Variants in IZUMO2 observed in about 807,000 individuals in gnomAD.
The protein encoded by IZUMO2 is izumo sperm-egg fusion protein 2.
A neutral mutation model predicts 31.2 loss-of-function variants in IZUMO2; 24 were observed. That is an observed-to-expected ratio of 0.77 (90% CI 0.56 to 1.08). IZUMO2 has a LOEUF of 1.08. Among genes scored for constraint, IZUMO2 ranks in the 50% least tolerant of loss-of-function variants. The pLI is 0.00. For missense variants in IZUMO2, 278 were observed against 274.0 expected (o/e 1.01, Z -0.10); for synonymous variants, 144 against 117.3 (o/e 1.23, Z -1.47).
chr19:50,162,610 C>T lies in IZUMO2; in HGVS notation c.307+129G>A, dbSNP rs1473964280. The T allele has an allele frequency of 4.0e-6, 3 of 753,766 alleles. No homozygotes were observed. The East Asian group carries it at 8.0e-5, about 20-fold the overall frequency. The allele number at this position is 753,766 out of a possible 1,614,324, so 46.7% of individuals were successfully genotyped here. A position where few individuals can be genotyped will look rare whatever the true frequency, so the allele number is the denominator to read the frequency against. Reference sequence around the variant, plus strand: ...AGCCGGAGCGACAGTGAGGCTCTGTCTCTTAAAAAAGAAAAAAAAAAGGCT... The same window carrying T: ...AGCCGGAGCGACAGTGAGGCTCTGTTTCTTAAAAAAGAAAAAAAAAAGGCT... On this transcript the variant is annotated intron_variant, in intron 2 of 6. Coordinates refer to ENST00000293405, the MANE Select transcript of IZUMO2 (RefSeq NM_152358.3).
At chr19:50,159,789 A>G (rs1182545935) in intron 2 of IZUMO2, among the ~76,000 whole-genome samples, 1 of 151,886 alleles carries the variant, frequency 6.6e-6, no homozygotes, top group African/African-American at 2.4e-5. Context: ...AGGCAAAGCC[A>G]CCCTTCCTTG....
chr19:50,162,614 TAAAA>T (rs1008888723), intron 2 of IZUMO2, 121 bp downstream of exon 2: 13 of 809,100 alleles, frequency 1.6e-5, no homozygotes, highest in Non-Finnish European at 2.6e-5. Context: ...CTCTGTCTCT[TAAAA>T]AAGAAAAAAA....
chr19:50,162,902 G>A, intron 1 of IZUMO2, 61 bp downstream of exon 1: 1 of 1,604,534 alleles, frequency 6.2e-7, no homozygotes, highest in Non-Finnish European at 8.5e-7. Context: ...GACCCCTCTT[G>A]GGGGCGTGGT....
rs112356647 is a variant in IZUMO2 at position 50,162,249 on chromosome 19, C to T, written c.307+490G>A. ...AGTGAGCAGAGATTGTGGCACTGCA[C>T]TCGAGCCTGGGTGACAGGGCGAGAC... On this transcript the variant is annotated intron_variant, in intron 2 of 6. Transcript: ENST00000293405. 4.0e-4 allele frequency among the ~76,000 whole-genome samples: 61 copies of T among 152,044 alleles called. 1 individual carries two copies. Among genetic ancestry groups the T allele is most frequent in the African/African-American group, 1.4e-3 (56 of 41,454 alleles).
Position 50,158,307 on chromosome 19 carries a change from T to A in IZUMO2, c.457A>T (p.Arg153Trp), listed in dbSNP as rs777612157. The change falls in exon 5 of 7, where the codon AGG becomes TGG. Residue 153 changes from arginine (R) to tryptophan (W), a missense_variant. By Grantham distance (101) the Arg-to-Trp change is moderately radical (BLOSUM62 -3). Coordinates refer to ENST00000293405, the MANE Select transcript of IZUMO2 (RefSeq NM_152358.3). ...TTGTGGATACACTTGGGAGTGATCC[T>A]CTGGCAATGTAAACAGTCCAACACC... ...EEVLDCLHCQ[R>W]ITPKCIHKKY... is the part of the protein sequence containing the mutation. 1 of 1,612,486 alleles carries A rather than the reference T, an allele frequency of 6.2e-7. No homozygotes were observed. Among genetic ancestry groups the A allele is most frequent in the Non-Finnish European group, 8.5e-7 (1 of 1,179,160 alleles).
chr19:50,162,594 G>A (rs755151319), intron 2 of IZUMO2, 145 bp downstream of exon 2: 2 of 668,172 alleles, frequency 3.0e-6, no homozygotes, highest in Non-Finnish European at 5.1e-6. Flanking sequence ...CAGCCGGAGC[G>A]ACAGTGAGGC....
chr19:50,163,140 A>G lies in IZUMO2; in HGVS notation c.55T>C (p.Trp19Arg). The change falls in exon 1 of 7, where the codon TGG (tryptophan) becomes CGG (arginine). Residue 19 changes from tryptophan (W) to arginine (R), a missense_variant. Trp to Arg is a moderately radical substitution (Grantham distance 101, BLOSUM62 -3). Coordinates refer to ENST00000293405, the MANE Select transcript of IZUMO2 (RefSeq NM_152358.3). ...LLSGLGAPGG[W>R]GCLQCDPLVL... is the part of the protein sequence containing the mutation. ...AAGGGGTCGCACTGCAGGCAGCCCC[A>G]GCCTCCGGGGGCGCCCAAGCCCGAG... 6.3e-7 allele frequency: 1 copy of G among 1,584,954 alleles called. No individual in the cohort carries two copies.
intron 2 of IZUMO2, among the ~76,000 whole-genome samples, chr19:50,161,841 C>T (rs984121891): frequency 2.0e-5 from 3 of 152,200 alleles, no homozygotes; most frequent in African/African-American, 7.2e-5. Context: ...CTCCATTTGA[C>T]ATATTTTATC....
In IZUMO2 at chr19:50,153,374, A is replaced by G. The variant is rs113636006; in HGVS notation, c.624-723T>C. Among the ~76,000 whole-genome samples, 4 of 152,320 alleles carry G rather than the reference A, an allele frequency of 2.6e-5. 1 individual carries two copies. The highest frequency in any genetic ancestry group is 9.6e-5 in the African/African-American group (4 of 41,594). The stretch of plus-strand genomic sequence containing the variant: ...GCTTTAAGTCACCCAATTTGTGGTG[A>G]TGTTACAGCAGCAATAGGAAATGAA... On this transcript the variant is annotated intron_variant, in intron 6 of 6. Coordinates refer to ENST00000293405, the MANE Select transcript of IZUMO2 (RefSeq NM_152358.3).
chr19:50,154,709 C>A lies in IZUMO2; in HGVS notation c.514G>T (p.Val172Leu). ...KYCFVDRQPR[V>L]ALQYQMDSKY... is the part of the protein sequence containing the mutation. ...CTGTCCATCTGGTACTGCAGGGCCA[C>A]GCGGGGTTGCCGGTCGACTGGGGCG... The change falls in exon 6 of 7, where the codon GTG becomes TTG. Residue 172 changes from valine to leucine, a missense_variant. Coordinates refer to ENST00000293405, the MANE Select transcript of IZUMO2 (RefSeq NM_152358.3). 1.9e-6 allele frequency: 3 copies of A among 1,613,898 alleles called. No individual in the cohort carries two copies. Among genetic ancestry groups the A allele is most frequent in the Non-Finnish European group, 1.7e-6 (2 of 1,179,924 alleles).
Position 50,154,732 on chromosome 19 carries a change from G to T in IZUMO2, c.497-6C>A. On this transcript the variant is annotated splice_region_variant and splice_polypyrimidine_tract_variant and intron_variant, in intron 5 of 6. Coordinates refer to ENST00000293405, the MANE Select transcript of IZUMO2 (RefSeq NM_152358.3). ...CACGCGGGGTTGCCGGTCGACTGGG[G>T]CGGGTGGGGAAACAGCCCCGACCTC... 6.2e-7 allele frequency: 1 copy of T among 1,613,352 alleles called. No individual in the cohort carries two copies.
At chr19:50,159,181 AG>A in intron 4 of IZUMO2, 48 bp downstream of exon 4, 1 of 1,590,728 alleles carries the variant, frequency 6.3e-7, no homozygotes, top group Non-Finnish European at 8.6e-7. Context: ...GACAGGGTGA[AG>A]GGGGTTAGGA....
chr19:50,158,394 G>A, intron 4 of IZUMO2, 46 bp from the exon 5 acceptor site: 2 of 1,278,528 alleles, frequency 1.6e-6, no homozygotes, highest in South Asian at 1.2e-5. Flanking sequence ...AGATATCAGA[G>A]GACCGGCAAG....
At chr19:50,159,663 G>A (rs1314004409) in intron 2 of IZUMO2, 83 bp from the exon 3 acceptor site, 6 of 800,504 alleles carry the variant, frequency 7.5e-6, no homozygotes, top group Middle Eastern at 6.7e-4. Flanking sequence ...GAGAAGAGAT[G>A]AGGAAGCTCC....
chr19:50,161,535 C>G (rs1039547796), intron 2 of IZUMO2, among the ~76,000 whole-genome samples: 3 of 152,180 alleles, frequency 2.0e-5, no homozygotes, highest in African/African-American at 7.2e-5. Flanking sequence ...AAGATCTCAT[C>G]TTCCATAGAG....
chr19:50,162,780 AC>A lies in IZUMO2; in HGVS notation c.265del (p.Val89SerfsTer8), dbSNP rs1047190915. ...TNQLDLVASF[V>X]KNQTQHLMGN... Reference sequence around the variant, plus strand: ...CATTAAGTGCTGCGTTTGGTTCTTGACAAAGGACGCCACAAGGTCCAGTTGA... The same window carrying A: ...CATTAAGTGCTGCGTTTGGTTCTTGAAAAGGACGCCACAAGGTCCAGTTGA... On this transcript the variant is annotated frameshift_variant, in exon 2 of 7. Transcript: ENST00000293405. LOFTEE classifies it high-confidence loss of function. The A allele has an allele frequency of 3.7e-6, 6 of 1,613,770 alleles. No individual in the cohort carries two copies. The highest frequency in any genetic ancestry group is 5.1e-6 in the Non-Finnish European group (6 of 1,179,988).
Position 50,163,191 on chromosome 19 carries a change from G to A in IZUMO2, c.4C>T (p.Pro2Ser), listed in dbSNP as rs2030470623. 1.3e-6 allele frequency: 2 copies of A among 1,547,494 alleles called. No individual in the cohort carries two copies. Among genetic ancestry groups the A allele is most frequent in the African/African-American group, 2.7e-5 (2 of 72,952 alleles). Residue 2 changes from proline (P) to serine (S), a missense_variant, in exon 1 of 7, where the codon CCT (proline) becomes TCT (serine). Transcript: ENST00000293405. ...AGCAGCAGAAGGGTCAAAGCCAGAG[G>A]CATGGCGGGGCCTTTGTGACGTCAC... M[P>S]LALTLLLLSG...
chr19:50,157,898 C>A (rs1191743814), intron 5 of IZUMO2, among the ~76,000 whole-genome samples: 2 of 141,292 alleles, frequency 1.4e-5, no homozygotes, highest in South Asian at 4.4e-4. Context: ...CCAGCCTGGG[C>A]GAGAATCCAT....
chr19:50,163,256 C>T lies in IZUMO2; in HGVS notation c.-62G>A. On this transcript the variant is annotated 5_prime_UTR_variant, in exon 1 of 7. Transcript: ENST00000293405. Reference sequence around the variant, plus strand: ...CCGCCCCGCCTCCCAGGCGAGGGCGCGGTCAGGAGGCCCAGGGAGCATCAC... The same window carrying T: ...CCGCCCCGCCTCCCAGGCGAGGGCGTGGTCAGGAGGCCCAGGGAGCATCAC... 1.6e-6 allele frequency: 2 copies of T among 1,277,548 alleles called. No homozygotes were observed. Among genetic ancestry groups the T allele is most frequent in the Non-Finnish European group, 2.2e-6 (2 of 912,044 alleles). 79.1% of individuals were successfully genotyped at this position (1,277,548 alleles called of 1,614,324 possible).
Sources: allele counts gnomAD v4.1 joint callset (sites outside exome capture counted in the v4.1 genomes callset), GRCh38; gene constraint gnomAD v4.1.1; transcripts MANE v1.5; gene names NCBI Gene and HGNC (gene_info 2026-07-23, HGNC 2026-07-21).